The following LMX1B variants were observed in gnomAD, a reference collection of about 807,000 sequenced individuals.
LMX1B encodes the protein LIM homeobox transcription factor 1 beta.
In LMX1B, 12 loss-of-function variants were observed where a neutral mutation model predicts 51.4. The observed-to-expected ratio is 0.23, with a 90% CI of 0.15 to 0.38. LMX1B has a LOEUF of 0.38. Among genes scored for constraint, LMX1B ranks in the 10% least tolerant of loss-of-function variants. The pLI is 1.00. For synonymous variants in LMX1B, 237 were observed against 235.4 expected, an observed-to-expected ratio of 1.01 and a Z score of -0.06; for missense variants, 445 against 571.1, an observed-to-expected ratio of 0.78 and a Z score of 2.25.
chr9:126,660,553 T>C (rs1297531016), intron 2 of LMX1B, among the ~76,000 whole-genome samples: 1 of 152,186 alleles, frequency 6.6e-6, no homozygotes, highest in African/African-American at 2.4e-5. Flanking sequence ...AGTTTTCTCA[T>C]CTGTAAACTG....
chr9:126,667,342 G>A (rs571931514), intron 2 of LMX1B, among the ~76,000 whole-genome samples: 7 of 152,358 alleles, frequency 4.6e-5, no homozygotes, highest in Admixed American at 3.9e-4. Flanking sequence ...TCCAGGGAAT[G>A]GGTGAACTTT....
At chr9:126,668,578 T>A (rs904506711) in intron 2 of LMX1B, among the ~76,000 whole-genome samples, 1 of 152,006 alleles carries the variant, frequency 6.6e-6, no homozygotes, top group African/African-American at 2.4e-5. Flanking sequence ...CTCAGCCTCC[T>A]GAGTAGCTGG....
At chr9:126,675,434 TA>T (rs1054481794) in intron 2 of LMX1B, among the ~76,000 whole-genome samples, 2 of 152,192 alleles carry the variant, frequency 1.3e-5, no homozygotes, top group Non-Finnish European at 2.9e-5. Flanking sequence ...ATTTTTAAGA[TA>T]AAAAATGTTG....
chr9:126,697,289 TG>T lies in LMX1B; in HGVS notation c.*841del, dbSNP rs1261531574. Reference sequence around the variant, plus strand: ...AGCCTGGGCCCAAATGGGGGCAGCCTGGGCAGGGAGGGCAGCCCCAGGCCCC... The same window carrying T: ...AGCCTGGGCCCAAATGGGGGCAGCCTGGCAGGGAGGGCAGCCCCAGGCCCC... On this transcript the variant is annotated 3_prime_UTR_variant, in exon 8 of 8. Transcript: ENST00000373474. 6.6e-6 allele frequency: 1 copy of T among 152,304 alleles called. No homozygotes were observed. Among genetic ancestry groups the T allele is most frequent in the African/African-American group, 2.4e-5 (1 of 41,392 alleles). The allele number at this position is 152,304 out of a possible 1,614,324, so 9.4% of individuals were successfully genotyped here.
chr9:126,662,926 G>A (rs3861873), intron 2 of LMX1B, among the ~76,000 whole-genome samples: 4,828 of 152,246 alleles, frequency 0.032, 245 homozygotes, highest in African/African-American at 0.11. Context: ...AGGACTACCC[G>A]TCAGGAAGAC....
rs761796969 is a variant in LMX1B at position 126,696,443 on chromosome 9, G to A, written c.1201G>A (p.Ala401Thr). ...CTACTCCATGCAGAGTTCCTACTTC[G>A]CCTCCTGAGAGCCAGCCAGGCGCAC... is the stretch of plus-strand genomic sequence containing the variant. ...RLYSMQSSYF[A>T]S is the part of the protein sequence containing the mutation. Residue 401 changes from alanine to threonine, a missense_variant, in exon 8 of 8, where the codon GCC becomes ACC. Coordinates refer to ENST00000373474, the MANE Select transcript of LMX1B (RefSeq NM_001174147.2). 2.1e-5 allele frequency: 34 copies of A among 1,613,804 alleles called. No homozygotes were observed. In the Admixed American group the frequency reaches 2.5e-4, roughly 12 times the overall value.
intron 2 of LMX1B, among the ~76,000 whole-genome samples, chr9:126,623,363 C>G (rs565676262): frequency 2.0e-5 from 3 of 151,614 alleles, no homozygotes; most frequent in African/African-American, 7.3e-5. Flanking sequence ...CTTGCAGGAG[C>G]AGCGCCTTAC....
chr9:126,669,294 G>T (rs564836899), intron 2 of LMX1B, among the ~76,000 whole-genome samples: 1 of 151,990 alleles, frequency 6.6e-6, no homozygotes, highest in African/African-American at 2.4e-5. Context: ...AACTCCCGGC[G>T]GATGAGGCCT....
chr9:126,659,140 C>G (rs572886398), intron 2 of LMX1B, among the ~76,000 whole-genome samples: 1 of 152,238 alleles, frequency 6.6e-6, no homozygotes, highest in Non-Finnish European at 1.5e-5. Flanking sequence ...TTGTCTAGCC[C>G]CAGAAGGGCC....
In LMX1B at chr9:126,695,276, C is replaced by T. The variant is rs1174165632; in HGVS notation, c.887-563C>T. ...CCCCACCCAGCTCGGCACCCCAGGGCTCCCCATGACCTGTGGTCCCTCTCA... is the reference window on the plus strand; with the variant it reads ...CCCCACCCAGCTCGGCACCCCAGGGTTCCCCATGACCTGTGGTCCCTCTCA... On this transcript the variant is annotated intron_variant, in intron 6 of 7. Coordinates refer to ENST00000373474, the MANE Select transcript of LMX1B (RefSeq NM_001174147.2). This position sits in a 1 kb window ranked among gnomAD's most constrained non-coding sequence, Gnocchi z 5.2. Among the ~76,000 whole-genome samples the T allele has an allele frequency of 2.6e-5, 4 of 152,154 alleles. No homozygotes were observed. The highest frequency in any genetic ancestry group is 5.9e-5 in the Non-Finnish European group (4 of 68,010).
chr9:126,683,269 G>T (rs1836710882), intron 2 of LMX1B, among the ~76,000 whole-genome samples: 1 of 151,332 alleles, frequency 6.6e-6, no homozygotes, highest in Non-Finnish European at 1.5e-5. Flanking sequence ...ATTGACGCGC[G>T]TACCGGGGCC....
chr9:126,633,490 C>G (rs1423108456), intron 2 of LMX1B, among the ~76,000 whole-genome samples: 1 of 152,182 alleles, frequency 6.6e-6, no homozygotes, highest in Non-Finnish European at 1.5e-5. Flanking sequence ...TGCAGCAAGT[C>G]TCCACAGGAC....
At chr9:126,639,116 G>A (rs1476077951) in intron 2 of LMX1B, among the ~76,000 whole-genome samples, 1 of 150,952 alleles carries the variant, frequency 6.6e-6, no homozygotes, top group African/African-American at 2.4e-5. Flanking sequence ...GAGGGGAGGG[G>A]AGGGGAAGGA....
chr9:126,678,278 C>G (rs191936616), intron 2 of LMX1B, among the ~76,000 whole-genome samples: 1 of 150,926 alleles, frequency 6.6e-6, no homozygotes, highest in East Asian at 1.9e-4. Flanking sequence ...CCATTGCACC[C>G]CAGCCTGGGC....
intron 3 of LMX1B, among the ~76,000 whole-genome samples, chr9:126,692,797 T>C (rs989366345): frequency 6.6e-6 from 1 of 152,252 alleles, no homozygotes; most frequent in African/African-American, 2.4e-5. Flanking sequence ...CCTGAAAGTG[T>C]GTGCAGCCAC....
intron 2 of LMX1B, among the ~76,000 whole-genome samples, chr9:126,619,554 G>C (rs766255399): frequency 3.3e-5 from 5 of 152,226 alleles, no homozygotes; most frequent in African/African-American, 1.2e-4. Flanking sequence ...TTACAAAAAG[G>C]CTTCTATGGT....
Position 126,618,365 on chromosome 9 carries a change from A to G in LMX1B, c.326+2796A>G. ...GAAGTGCCAAGTTGTCTTACGCACCACGGGGGTGATTAATTGACACTGGGG... is the reference window on the plus strand; with the variant it reads ...GAAGTGCCAAGTTGTCTTACGCACCGCGGGGGTGATTAATTGACACTGGGG... On this transcript the variant is annotated intron_variant, in intron 2 of 7. Transcript: ENST00000373474. The surrounding 1 kb of genome is among the most constrained non-coding windows in gnomAD (Gnocchi z 4.5). Among the ~76,000 whole-genome samples, 1 of 152,218 alleles carries G rather than the reference A, an allele frequency of 6.6e-6. No individual in the cohort carries two copies. Among genetic ancestry groups the G allele is most frequent in the East Asian group, 1.9e-4 (1 of 5,200 alleles).
chr9:126,651,547 A>AAC (rs1836008679), intron 2 of LMX1B, among the ~76,000 whole-genome samples: 1 of 151,992 alleles, frequency 6.6e-6, no homozygotes, highest in Admixed American at 6.5e-5. Context: ...CCCTCCCAAC[A>AAC]ACACACACAC....
At chr9:126,647,406 G>A (rs1169860306) in intron 2 of LMX1B, among the ~76,000 whole-genome samples, 2 of 152,142 alleles carry the variant, frequency 1.3e-5, no homozygotes, top group Admixed American at 6.5e-5. Context: ...CGCCGGGACC[G>A]TGCTGCACAT....
Sources: gnomAD v4.1 joint callset for allele counts (sites outside exome capture counted in the v4.1 genomes callset) on GRCh38, gnomAD v4.1.1 for gene constraint, Gnocchi (gnomAD v3.1) non-coding constraint, MANE v1.5 for transcripts, NCBI Gene and HGNC (gene_info 2026-07-23, HGNC 2026-07-21) for gene names.